Variants in GPC5 observed in about 807,000 individuals in gnomAD.
GPC5 encodes the protein glypican 5, also known as glypican-5.
Under a neutral mutation model 53.9 loss-of-function variants are expected in GPC5, and 47 were observed. That is an observed-to-expected ratio of 0.87 (90% CI 0.69 to 1.11). The LOEUF is 1.11. GPC5 is among the 50% of genes most tolerant of loss of function. GPC5 has a pLI of 0.00. For synonymous variants in GPC5, 286 were observed against 263.3 expected, an observed-to-expected ratio of 1.09 and a Z score of -0.84; for missense variants, 748 against 713.1, an observed-to-expected ratio of 1.05 and a Z score of -0.56.
chr13:91,416,896 G>A (rs767335470), intron 1 of GPC5, among the ~76,000 whole-genome samples: 24 of 152,172 alleles, frequency 1.6e-4, no homozygotes, highest in Non-Finnish European at 2.6e-4. Context: ...ATTGTGAATA[G>A]TGCTGCAATC....
chr13:92,430,379 G>A (rs573618687), intron 7 of GPC5, among the ~76,000 whole-genome samples: 60 of 152,102 alleles, frequency 3.9e-4, no homozygotes, highest in Middle Eastern at 3.2e-3. Context: ...TGTATTCCTT[G>A]CAGTATTGGA....
Position 92,531,327 on chromosome 13 carries a change from G to C in GPC5, c.1562-334955G>C, listed in dbSNP as rs534171417. Among the ~76,000 whole-genome samples, 7 of 151,924 alleles carry C rather than the reference G, an allele frequency of 4.6e-5. No homozygotes were observed. In the East Asian group the frequency reaches 1.4e-3, roughly 30 times the overall value. On this transcript the variant is annotated intron_variant, in intron 7 of 7. Coordinates refer to ENST00000377067, the MANE Select transcript of GPC5 (RefSeq NM_004466.6). ...ATAATACATGCTTGAATATTGAATA[G>C]ATCACTAGTTTTAGGATATACTACT...
chr13:92,089,427 C>T (rs1162738336), intron 6 of GPC5, among the ~76,000 whole-genome samples: 1 of 152,116 alleles, frequency 6.6e-6, no homozygotes. Context: ...ATGCAAGACT[C>T]TCTCTCAAAA....
At chr13:92,037,983 A>G (rs2040907231) in intron 6 of GPC5, among the ~76,000 whole-genome samples, 1 of 152,110 alleles carries the variant, frequency 6.6e-6, no homozygotes, top group African/African-American at 2.4e-5. Context: ...CCTAATGGTG[A>G]CCGTGATAAG....
chr13:92,242,986 A>C (rs2042624650), intron 7 of GPC5, among the ~76,000 whole-genome samples: 1 of 152,198 alleles, frequency 6.6e-6, no homozygotes. Context: ...TACATTCTGC[A>C]CTTCAGTCTT....
At chr13:92,758,982 T>G (rs547435207) in intron 7 of GPC5, among the ~76,000 whole-genome samples, 1 of 145,948 alleles carries the variant, frequency 6.9e-6, no homozygotes, top group Non-Finnish European at 1.5e-5. Flanking sequence ...AGAATATCCT[T>G]TTCCCATTGC....
rs193221086 is a variant in GPC5, at chr13:92,133,411, C to T, written c.1402-11419C>T. Among the ~76,000 whole-genome samples, 50 of 152,224 alleles carry T rather than the reference C, an allele frequency of 3.3e-4. 1 individual carries two copies. Among genetic ancestry groups the T allele is most frequent in the Admixed American group, 8.5e-4 (13 of 15,272 alleles). On this transcript the variant is annotated intron_variant, in intron 6 of 7. Coordinates refer to ENST00000377067, the MANE Select transcript of GPC5 (RefSeq NM_004466.6). The stretch of plus-strand genomic sequence containing the variant: ...ACTGGGAAACTTTAGGGGAAACTTC[C>T]CTTTTTAATAGAGCATTTGAAAATG...
intron 2 of GPC5, among the ~76,000 whole-genome samples, chr13:91,488,787 T>C (rs1242211826): frequency 2.6e-5 from 4 of 152,216 alleles, no homozygotes; most frequent in African/African-American, 9.6e-5. Flanking sequence ...AACCGTAAAC[T>C]CTGACTGCTG....
chr13:92,212,193 C>T (rs2139075751), intron 7 of GPC5, among the ~76,000 whole-genome samples: 1 of 151,874 alleles, frequency 6.6e-6, no homozygotes, highest in East Asian at 1.9e-4. Context: ...GAGATCAAAG[C>T]CGGGGAGGGA....
intron 7 of GPC5, among the ~76,000 whole-genome samples, chr13:92,340,769 C>G (rs1186116175): frequency 3.3e-5 from 5 of 152,014 alleles, no homozygotes; most frequent in African/African-American, 1.2e-4. Flanking sequence ...TTAAAAGAGC[C>G]TAAATATTTG....
At chr13:91,705,915 T>A (rs1467316260) in intron 3 of GPC5, among the ~76,000 whole-genome samples, 3 of 150,218 alleles carry the variant, frequency 2.0e-5, no homozygotes, top group Admixed American at 6.6e-5. Flanking sequence ...AGTTTTGTTC[T>A]TGTCGCCCAG....
intron 7 of GPC5, among the ~76,000 whole-genome samples, chr13:92,846,972 G>A (rs1024102516): frequency 2.0e-5 from 3 of 152,182 alleles, no homozygotes; most frequent in African/African-American, 7.2e-5. Context: ...TGCGGGGATA[G>A]TGAGATATTC....
chr13:91,723,327 G>T (rs2036513059), intron 3 of GPC5, among the ~76,000 whole-genome samples: 1 of 151,640 alleles, frequency 6.6e-6, no homozygotes, highest in Non-Finnish European at 1.5e-5. Context: ...TACATTTTAT[G>T]ATTTCATCTA....
rs1273015964 is a variant in GPC5 at position 92,699,179 on chromosome 13, T to TA, written c.1562-167102dup. On this transcript the variant is annotated intron_variant, in intron 7 of 7. Coordinates refer to ENST00000377067, the MANE Select transcript of GPC5 (RefSeq NM_004466.6). ...GGGAGGGTGTATATGTCCAGGAACT[T>TA]ATCCATTTCTTCTAGATTTTCTAGT... 2.6e-5 allele frequency among the ~76,000 whole-genome samples: 4 copies of TA among 152,338 alleles called. No homozygotes were observed. In the East Asian group the frequency reaches 5.8e-4, roughly 22 times the overall value.
At chr13:91,507,135 CAT>C (rs1884986301) in intron 2 of GPC5, among the ~76,000 whole-genome samples, 2 of 152,088 alleles carry the variant, frequency 1.3e-5, no homozygotes. Flanking sequence ...ATTTACTTCT[CAT>C]AGCTCTGGAG....
At chr13:92,729,875 TAA>T (rs1439125432) in intron 7 of GPC5, among the ~76,000 whole-genome samples, 18 of 151,380 alleles carry the variant, frequency 1.2e-4, no homozygotes, top group African/African-American at 4.4e-4. Context: ...TTGTTTCTGT[TAA>T]AATGGTTGGT....
At chr13:92,577,812 T>C (rs936767738) in intron 7 of GPC5, among the ~76,000 whole-genome samples, 7 of 151,994 alleles carry the variant, frequency 4.6e-5, no homozygotes, top group Non-Finnish European at 4.4e-5. Flanking sequence ...ACAGAGACTA[T>C]GCAAGAGATT....
At chr13:91,777,619 G>C (rs1397612907) in intron 5 of GPC5, among the ~76,000 whole-genome samples, 1 of 152,074 alleles carries the variant, frequency 6.6e-6, no homozygotes, top group Non-Finnish European at 1.5e-5. Context: ...AAATTTCCGG[G>C]CTCTATACAA....
intron 7 of GPC5, among the ~76,000 whole-genome samples, chr13:92,439,585 G>T (rs1033867796): frequency 6.6e-6 from 1 of 152,154 alleles, no homozygotes; most frequent in Non-Finnish European, 1.5e-5. Context: ...CCAGAGAGCA[G>T]AGTGGAAGGG....
Sources: allele counts gnomAD v4.1 joint callset (sites outside exome capture counted in the v4.1 genomes callset), GRCh38; gene constraint gnomAD v4.1.1; transcripts MANE v1.5; gene names NCBI Gene and HGNC (gene_info 2026-07-23, HGNC 2026-07-21).